SMARCA2: variants seen among roughly 807,000 people sequenced by gnomAD.
SMARCA2 encodes the protein SWI/SNF related BAF chromatin remodeling complex subunit ATPase 2, also known as SWI/SNF-related matrix-associated actin-dependent regulator of chromatin subfamily A member 2.
A neutral mutation model predicts 199.8 loss-of-function variants in SMARCA2; 61 were observed. The observed-to-expected ratio is 0.31, with a 90% CI of 0.25 to 0.38. The LOEUF is 0.38. Among genes scored for constraint, SMARCA2 ranks in the 10% least tolerant of loss-of-function variants. The pLI is 1.00. For synonymous variants in SMARCA2, 935 were observed against 732.0 expected (o/e 1.28, Z -4.48); for missense variants, 1,344 against 2,012.2 (o/e 0.67, Z 6.35).
At chr9:2,034,242 CAAAAAA>C (rs759792374) in intron 3 of SMARCA2, among the ~76,000 whole-genome samples, 2 of 64,134 alleles carry the variant, frequency 3.1e-5, no homozygotes, top group African/African-American at 1.1e-4. Context: ...GACTGCGTCT[CAAAAAA>C]AAAAAAAAAA....
In SMARCA2 at chr9:2,015,395, C is replaced by G. The variant is rs1350834580; in HGVS notation, c.-46C>G. ...GAAGAGATTCAGCCAGCACACTCCTCGCGAGCAAGGTAAATATAACTTACA... is the reference window on the plus strand; with the variant it reads ...GAAGAGATTCAGCCAGCACACTCCTGGCGAGCAAGGTAAATATAACTTACA... On this transcript the variant is annotated 5_prime_UTR_variant, in exon 1 of 34. Coordinates refer to ENST00000349721, the MANE Select transcript of SMARCA2 (RefSeq NM_003070.5). The G allele has an allele frequency of 6.6e-6, 1 of 152,524 alleles. No homozygotes were observed. Among genetic ancestry groups the G allele is most frequent in the Non-Finnish European group, 1.5e-5 (1 of 68,268 alleles). The allele number at this position is 152,524 out of a possible 1,614,324, so 9.4% of individuals were successfully genotyped here. A position where few individuals can be genotyped will look rare whatever the true frequency, so the allele number is the denominator to read the frequency against.
intron 9 of SMARCA2, among the ~76,000 whole-genome samples, chr9:2,065,090 T>A (rs1390287920): frequency 6.6e-6 from 1 of 151,662 alleles, no homozygotes; most frequent in African/African-American, 2.4e-5. Context: ...GAGGCTGAGG[T>A]GAGAGAATGG....
chr9:2,040,988 C>T (rs985257961), intron 4 of SMARCA2: 23 of 180,770 alleles, frequency 1.3e-4, no homozygotes, highest in African/African-American at 4.7e-4. Flanking sequence ...ACTTCCTTGA[C>T]GTTGATACCA....
Position 2,101,675 on chromosome 9 carries a change from C to T in SMARCA2, c.3125+59C>T, listed in dbSNP as rs1036374130. 2.6e-5 allele frequency: 22 copies of T among 838,334 alleles called. 1 individual carries two copies. The Middle Eastern group carries it at 3.7e-3, about 142-fold the overall frequency. The allele number at this position is 838,334 out of a possible 1,614,324, so 51.9% of individuals were successfully genotyped here. A position where few individuals can be genotyped will look rare whatever the true frequency, so the allele number is the denominator to read the frequency against. ...AATGTTGTTGGCCTTACATAAACTC[C>T]TCCTCTCTACAGTGTTTCCTCTTGT... On this transcript the variant is annotated intron_variant, in intron 22 of 33. Transcript: ENST00000349721.
chr9:2,188,269 T>C (rs1238595863), intron 32 of SMARCA2, among the ~76,000 whole-genome samples: 2 of 152,168 alleles, frequency 1.3e-5, no homozygotes, highest in Non-Finnish European at 2.9e-5. Context: ...TCAGGCTGTT[T>C]CCCAATAATG....
chr9:2,159,218 C>T (rs1467827660), intron 27 of SMARCA2, among the ~76,000 whole-genome samples: 3 of 152,038 alleles, frequency 2.0e-5, no homozygotes, highest in Admixed American at 2.0e-4. Flanking sequence ...ACAACTCCCC[C>T]CAACTTCATT....
intron 27 of SMARCA2, among the ~76,000 whole-genome samples, chr9:2,145,935 C>T (rs1462309427): frequency 6.6e-6 from 1 of 152,184 alleles, no homozygotes; most frequent in Non-Finnish European, 1.5e-5. Context: ...TTGGGAAAGA[C>T]ATCCCAGGCG....
At chr9:2,032,193 A>G (rs751460782) in intron 2 of SMARCA2, among the ~76,000 whole-genome samples, 13 of 152,218 alleles carry the variant, frequency 8.5e-5, no homozygotes, top group Non-Finnish European at 1.6e-4. Context: ...GAAAATTGCT[A>G]TTACAGTTTG....
intron 7 of SMARCA2, 102 bp from the exon 8 acceptor site, chr9:2,058,189 G>C: frequency 9.9e-7 from 1 of 1,010,104 alleles, no homozygotes; most frequent in East Asian, 2.4e-5. Flanking sequence ...TTCCTATGCT[G>C]TTAAACACAC....
In SMARCA2 at chr9:2,121,717, G is replaced by A. The variant is rs140993400; in HGVS notation, c.3763-2002G>A. On this transcript the variant is annotated intron_variant, in intron 26 of 33. Coordinates refer to ENST00000349721, the MANE Select transcript of SMARCA2 (RefSeq NM_003070.5). ...AAGCAGATAGTTTATTTAAAATAACGTCTTTTAAAAAAAGCATGTCTTGCT... is the reference window on the plus strand; with the variant it reads ...AAGCAGATAGTTTATTTAAAATAACATCTTTTAAAAAAAGCATGTCTTGCT... 4.6e-5 allele frequency among the ~76,000 whole-genome samples: 7 copies of A among 152,110 alleles called. No individual in the cohort carries two copies. The East Asian group carries it at 7.7e-4, about 17-fold the overall frequency.
Position 2,053,805 on chromosome 9 carries a change from A to G in SMARCA2, c.1047-792A>G, listed in dbSNP as rs543563132. On this transcript the variant is annotated intron_variant, in intron 5 of 33. Coordinates refer to ENST00000349721, the MANE Select transcript of SMARCA2 (RefSeq NM_003070.5). Reference sequence around the variant, plus strand: ...AGCAGTTTATATATCTAACAGTAATAGTATCCCAAGTGAATGGCTAAAGTC... The same window carrying G: ...AGCAGTTTATATATCTAACAGTAATGGTATCCCAAGTGAATGGCTAAAGTC... 3.3e-5 allele frequency among the ~76,000 whole-genome samples: 5 copies of G among 152,348 alleles called. No individual in the cohort carries two copies. In the East Asian group the frequency reaches 9.6e-4, roughly 29 times the overall value.
chr9:2,155,315 C>T (rs1825294461), intron 27 of SMARCA2, among the ~76,000 whole-genome samples: 1 of 151,812 alleles, frequency 6.6e-6, no homozygotes, highest in Admixed American at 6.6e-5. Context: ...CTGAGTCTTG[C>T]TCTGTTGCCC....
At chr9:2,084,024 G>T in intron 16 of SMARCA2, 62 bp from the exon 17 acceptor site, 1 of 878,516 alleles carries the variant, frequency 1.1e-6, no homozygotes, top group Non-Finnish European at 1.9e-6. Flanking sequence ...GCTATGAAAA[G>T]TGAGAAATAA....
chr9:2,126,683 G>T (rs573152374), intron 27 of SMARCA2, among the ~76,000 whole-genome samples: 1 of 152,324 alleles, frequency 6.6e-6, no homozygotes, highest in East Asian at 1.9e-4. Context: ...TGGCAATGTT[G>T]TACAAAGCCT....
intron 27 of SMARCA2, among the ~76,000 whole-genome samples, chr9:2,153,099 C>G (rs1825164239): frequency 6.6e-6 from 1 of 152,100 alleles, no homozygotes; most frequent in Non-Finnish European, 1.5e-5. Flanking sequence ...AGGAACTCAG[C>G]TAATTCACGA....
chr9:2,178,832 C>T (rs1826807285), intron 29 of SMARCA2, among the ~76,000 whole-genome samples: 1 of 152,140 alleles, frequency 6.6e-6, no homozygotes, highest in Non-Finnish European at 1.5e-5. Context: ...CTGCCCAGGA[C>T]CTCCTGGCTT....
At position 2,082,009 on chromosome 9, in the gene SMARCA2, T is replaced by C. The variant is rs1291552357; in HGVS notation, c.2348+14T>C. 28 of 1,609,396 alleles carry C rather than the reference T, an allele frequency of 1.7e-5. No individual in the cohort carries two copies. The highest frequency in any genetic ancestry group is 2.2e-5 in the Non-Finnish European group (26 of 1,177,242). On this transcript the variant is annotated intron_variant, in intron 15 of 33. Coordinates refer to ENST00000349721, the MANE Select transcript of SMARCA2 (RefSeq NM_003070.5). ...TGTTCCCCTTTCGTAAGTAAAGTCA[T>C]TTATTCCACAGTCATCGTTCTGTAT...
At chr9:2,179,833 G>A (rs151214591) in intron 29 of SMARCA2, among the ~76,000 whole-genome samples, 123 of 152,272 alleles carry the variant, frequency 8.1e-4, no homozygotes, top group Middle Eastern at 3.4e-3. Context: ...TTACAAAGAG[G>A]TCTGACTTTT....
chr9:2,083,920 G>A (rs150780337), intron 16 of SMARCA2, among the ~76,000 whole-genome samples, 166 bp from the exon 17 acceptor site: 28 of 152,288 alleles, frequency 1.8e-4, no homozygotes, highest in African/African-American at 6.0e-4. Flanking sequence ...GGGTCAAGAC[G>A]TGTAATTTAG....
Sources: allele counts gnomAD v4.1 joint callset (sites outside exome capture counted in the v4.1 genomes callset), GRCh38; gene constraint gnomAD v4.1.1; transcripts MANE v1.5; gene names NCBI Gene and HGNC (gene_info 2026-07-23, HGNC 2026-07-21).